Variants in PDE4DIP observed in about 807,000 individuals in gnomAD.
PDE4DIP encodes phosphodiesterase 4D interacting protein, also known as myomegalin.
A neutral mutation model predicts 221.4 loss-of-function variants in PDE4DIP; 59 were observed. The observed-to-expected ratio is 0.27, with a 90% confidence interval of 0.22 to 0.33. The LOEUF is 0.33. Among genes scored for constraint, PDE4DIP ranks in the 10% least tolerant of loss-of-function variants. The pLI is 1.00. For missense variants in PDE4DIP, 1,036 were observed against 2,154.2 expected, an observed-to-expected ratio of 0.48 and a Z score of 10.28; for synonymous variants, 404 against 815.9, an observed-to-expected ratio of 0.50 and a Z score of 8.60.
At chr1:148,978,112 G>C in intron 18 of PDE4DIP, 59 bp downstream of exon 21, 1 of 1,485,592 alleles carries the variant, frequency 6.7e-7, no homozygotes, top group Non-Finnish European at 9.3e-7. Context: ...TACCTGTAGG[G>C]CCTCTTCAGA....
At chr1:149,018,823 GC>G (rs1390940546) in intron 35 of PDE4DIP, 162 bp downstream of exon 38, 4 of 311,598 alleles carry the variant, frequency 1.3e-5, no homozygotes, top group Non-Finnish European at 2.2e-5. Context: ...AGAGAAGGCT[GC>G]TTTCTAAGAT....
At chr1:148,985,084 G>A (rs1318673173) in intron 21 of PDE4DIP, 1 of 152,148 alleles carries the variant, frequency 6.6e-6, no homozygotes, top group Non-Finnish European at 1.5e-5. Context: ...TGTAGAAATT[G>A]TACTAGAGAT....
At chr1:148,828,603 G>GAT (rs1328181433) in intron 1 of PDE4DIP, among the ~76,000 whole-genome samples, 3 of 151,606 alleles carry the variant, frequency 2.0e-5, no homozygotes, top group African/African-American at 4.8e-5. Context: ...TTTGAGAACT[G>GAT]ATATCTATGT....
intron 5 of PDE4DIP, among the ~76,000 whole-genome samples, chr1:148,949,426 T>C (rs782378407): frequency 1.0e-4 from 15 of 149,448 alleles, no homozygotes; most frequent in African/African-American, 1.7e-4. Context: ...GACCCTGACA[T>C]TAGTGTGTTA....
Position 148,906,591 on chromosome 1 carries a change from TG to T in PDE4DIP, c.141+16698del, listed in dbSNP as rs1573092972. Among the ~76,000 whole-genome samples the T allele has an allele frequency of 2.3e-4, 5 of 21,730 alleles. No individual in the cohort carries two copies. The East Asian group carries it at 2.7e-3, about 12-fold the overall frequency. The allele number at this position is 21,730 out of a possible 152,430, so 14.3% of individuals were successfully genotyped here. ...ATATTGAAGTCCCCCACTATTATTG[TG>T]TTACTGTCTATCTCATTTCTTAGGT... On this transcript the variant is annotated intron_variant, in intron 1 of 43. Transcript: ENST00000369354.
chr1:148,927,451 T>A (rs2046968428), intron 1 of PDE4DIP, among the ~76,000 whole-genome samples: 1 of 152,056 alleles, frequency 6.6e-6, no homozygotes, highest in Non-Finnish European at 1.5e-5. Flanking sequence ...ACTAGGTTTC[T>A]ACTTTTCCCA....
intron 3 of PDE4DIP, among the ~76,000 whole-genome samples, chr1:148,882,643 CTT>C (rs147912510): frequency 0.12 from 17,552 of 149,000 alleles, 21 homozygotes; most frequent in Non-Finnish European, 0.17. Context: ...TGTGGGAAAA[CTT>C]TTAACAGTAT....
At chr1:149,002,586 CT>C (rs2065913936) in intron 24 of PDE4DIP, among the ~76,000 whole-genome samples, 1 of 151,908 alleles carries the variant, frequency 6.6e-6, no homozygotes, top group South Asian at 2.1e-4. Context: ...TGAGTGGTCT[CT>C]TTTTGACCAC....
At chr1:148,948,023 T>A (rs1431982869) in intron 5 of PDE4DIP, among the ~76,000 whole-genome samples, 2 of 150,076 alleles carry the variant, frequency 1.3e-5, no homozygotes, top group African/African-American at 4.9e-5. Context: ...TCCAGGTGAT[T>A]CTGATGCATG....
At chr1:149,025,131 G>GT (rs1269128028) in intron 38 of PDE4DIP, among the ~76,000 whole-genome samples, 1 of 150,222 alleles carries the variant, frequency 6.7e-6, no homozygotes, top group Non-Finnish European at 1.5e-5. Context: ...TTCATCTGAA[G>GT]TAAAGCAGGT....
At chr1:148,960,980 C>A (rs587669172) in intron 6 of PDE4DIP, among the ~76,000 whole-genome samples, 195 bp downstream of exon 9, 7 of 152,266 alleles carry the variant, frequency 4.6e-5, no homozygotes, top group Non-Finnish European at 7.4e-5. Flanking sequence ...CTGTACAGAT[C>A]ATAATTTCTG....
intron 5 of PDE4DIP, among the ~76,000 whole-genome samples, chr1:148,948,602 A>C (rs1478979664): frequency 1.3e-5 from 2 of 152,042 alleles, no homozygotes; most frequent in African/African-American, 4.8e-5. Context: ...AGTGCGGGTG[A>C]CTTTCTACCA....
rs369298721 is a variant in PDE4DIP, at chr1:149,029,355, C to T, written c.6814-432C>T. Among the ~76,000 whole-genome samples, 27 of 152,294 alleles carry T rather than the reference C, an allele frequency of 1.8e-4. No individual in the cohort carries two copies. In the East Asian group the frequency reaches 5.0e-3, roughly 28 times the overall value. On this transcript the variant is annotated intron_variant, in intron 41 of 43. Coordinates refer to ENST00000369354, the Ensembl canonical transcript of PDE4DIP. ...CTAATTCCAGGGAGAGGGTGTTTTGCCATCTTCATGTTGGCACAAATATTT... is the reference window on the plus strand; with the variant it reads ...CTAATTCCAGGGAGAGGGTGTTTTGTCATCTTCATGTTGGCACAAATATTT...
At chr1:149,015,422 G>A (rs1468909226) in intron 32 of PDE4DIP, among the ~76,000 whole-genome samples, 2 of 152,000 alleles carry the variant, frequency 1.3e-5, no homozygotes, top group African/African-American at 4.8e-5. Flanking sequence ...GGAGCTACCT[G>A]TCTATTCTGC....
chr1:148,982,898 CAGAT>C (rs1330910496), intron 21 of PDE4DIP: 1 of 151,900 alleles, frequency 6.6e-6, no homozygotes, highest in African/African-American at 2.4e-5. Context: ...GTGTCTATAA[CAGAT>C]AGAGCATCAG....
chr1:149,009,408 A>G, intron 29 of PDE4DIP, 160 bp from the exon 33 acceptor site: 1 of 606,342 alleles, frequency 1.6e-6, no homozygotes, highest in Non-Finnish European at 2.9e-6. Flanking sequence ...CTCCATCTAC[A>G]CCCCACCTAC....
At chr1:148,932,653 T>C in intron 4 of PDE4DIP, 1 of 389,044 alleles carries the variant, frequency 2.6e-6, no homozygotes, top group South Asian at 2.1e-5. Flanking sequence ...ATAAGTTCCC[T>C]GATAGAAGAG....
intron 2 of PDE4DIP, among the ~76,000 whole-genome samples, chr1:148,865,544 G>GA (rs1553406539): frequency 7.6e-6 from 1 of 130,866 alleles, no homozygotes; most frequent in African/African-American, 3.1e-5. Context: ...TAAGCTGCAT[G>GA]AAAAACAATT....
Position 148,954,025 on chromosome 1 carries a change from C to A in PDE4DIP, c.637-6629C>A. On this transcript the variant is annotated intron_variant, in intron 5 of 43. Transcript: ENST00000369354. ...GGACTTGAGAAAATTAGTCATGACC[C>A]CATTTTTGCTGCACCTTTTGCTCTG... 8.7e-6 allele frequency: 6 copies of A among 687,948 alleles called. No homozygotes were observed. The South Asian group carries it at 1.1e-4, about 13-fold the overall frequency. 42.6% of individuals were successfully genotyped at this position (687,948 alleles called of 1,614,324 possible). A position where few individuals can be genotyped will look rare whatever the true frequency, so the allele number is the denominator to read the frequency against.
Sources: gnomAD v4.1 joint callset for allele counts (sites outside exome capture counted in the v4.1 genomes callset) on GRCh38, gnomAD v4.1.1 for gene constraint, MANE v1.5 for transcripts, NCBI Gene and HGNC (gene_info 2026-07-23, HGNC 2026-07-21) for gene names.